The following PCCA variants were observed in gnomAD, a reference collection of about 807,000 sequenced individuals.
PCCA encodes the protein propionyl-CoA carboxylase subunit alpha.
Under a neutral mutation model 101.3 loss-of-function variants are expected in PCCA, and 74 were observed. The observed-to-expected ratio is 0.73, with a 90% CI of 0.61 to 0.89. PCCA has a LOEUF of 0.89. Ranked by LOEUF, PCCA falls within the 40% of genes least tolerant of loss-of-function variation. The probability of loss-of-function intolerance (pLI) is 0.00; values close to 1 mark genes in which losing one functional copy is unlikely to be tolerated. For missense variants in PCCA, 891 were observed against 907.0 expected, an observed-to-expected ratio of 0.98 and a Z score of 0.23; for synonymous variants, 294 against 313.6, an observed-to-expected ratio of 0.94 and a Z score of 0.66.
At chr13:100,215,611 C>T (rs1426325341) in intron 7 of PCCA, among the ~76,000 whole-genome samples, 1 of 151,952 alleles carries the variant, frequency 6.6e-6, no homozygotes, top group Non-Finnish European at 1.5e-5. Context: ...GCTCATCCTT[C>T]TGTATACTTT....
chr13:100,153,328 C>T (rs1953696), intron 4 of PCCA, among the ~76,000 whole-genome samples: 152,272 of 152,282 alleles, frequency 1, 76,131 homozygotes, highest in Middle Eastern at 1. Flanking sequence ...ATGCTAAAAT[C>T]TGCACTAACT....
At chr13:100,470,764 C>T (rs574389883) in intron 21 of PCCA, among the ~76,000 whole-genome samples, 7 of 152,178 alleles carry the variant, frequency 4.6e-5, no homozygotes, top group East Asian at 3.9e-4. Flanking sequence ...GAGGCTGAGG[C>T]GGGAGAATCG....
chr13:100,354,400 G>T (rs1458252439), intron 18 of PCCA, among the ~76,000 whole-genome samples: 1 of 149,068 alleles, frequency 6.7e-6, no homozygotes, highest in Non-Finnish European at 1.5e-5. Context: ...GGGAAGGGAG[G>T]GAGGGAGGGA....
chr13:100,231,800 G>A (rs1013842131), intron 7 of PCCA, among the ~76,000 whole-genome samples: 1 of 151,872 alleles, frequency 6.6e-6, no homozygotes, highest in South Asian at 2.1e-4. Flanking sequence ...CAGAACTCCT[G>A]GGCTCAAGTG....
intron 16 of PCCA, among the ~76,000 whole-genome samples, chr13:100,322,656 G>A (rs1468782558): frequency 1.3e-5 from 2 of 151,028 alleles, no homozygotes; most frequent in South Asian, 2.1e-4. Context: ...CTACAACTTC[G>A]AACTCCTGGG....
At chr13:100,520,618 G>C (rs1253760332) in intron 22 of PCCA, among the ~76,000 whole-genome samples, 2 of 121,412 alleles carry the variant, frequency 1.6e-5, no homozygotes, top group South Asian at 2.8e-4. Flanking sequence ...CTGGGCGACA[G>C]AGCGAGACTC....
chr13:100,217,036 G>C (rs1351807071), intron 7 of PCCA, among the ~76,000 whole-genome samples: 1 of 151,716 alleles, frequency 6.6e-6, no homozygotes, highest in Non-Finnish European at 1.5e-5. Flanking sequence ...TTGAACCTGG[G>C]AGGTGGAGGT....
chr13:100,269,674 G>A (rs184440926), intron 11 of PCCA, among the ~76,000 whole-genome samples: 174 of 152,206 alleles, frequency 1.1e-3, no homozygotes, highest in Non-Finnish European at 1.5e-3. Flanking sequence ...ATTACCAGAC[G>A]GTAAGAAGTA....
At chr13:100,235,748 T>A (rs1275019045) in intron 7 of PCCA, 94 bp from the exon 8 acceptor site, 20 of 813,570 alleles carry the variant, frequency 2.5e-5, no homozygotes, top group Non-Finnish European at 4.2e-5. Flanking sequence ...ATTAAATGAA[T>A]CGGAGGAGAC....
intron 6 of PCCA, among the ~76,000 whole-genome samples, chr13:100,168,477 G>C (rs918948541): frequency 6.6e-6 from 1 of 152,178 alleles, no homozygotes; most frequent in East Asian, 1.9e-4. Context: ...TTTTTGAACA[G>C]TTCCTGGAAT....
chr13:100,195,678 CTCTT>C (rs1225792611), intron 6 of PCCA, among the ~76,000 whole-genome samples: 1 of 152,150 alleles, frequency 6.6e-6, no homozygotes, highest in Non-Finnish European at 1.5e-5. Context: ...TCCTAGAAAC[CTCTT>C]TCTATTTTCT....
intron 7 of PCCA, among the ~76,000 whole-genome samples, chr13:100,232,360 G>GTGTGTGTGTGTGTA (rs2060536496): frequency 6.8e-6 from 1 of 147,414 alleles, no homozygotes; most frequent in Non-Finnish European, 1.5e-5. Flanking sequence ...GCGTGTGTGT[G>GTGTGTGTGTGTGTA]TGTGTGTGTG....
chr13:100,378,395 G>A (rs957757057), intron 19 of PCCA, among the ~76,000 whole-genome samples: 2 of 152,184 alleles, frequency 1.3e-5, no homozygotes, highest in Non-Finnish European at 2.9e-5. Flanking sequence ...TGACTATAAT[G>A]TATCATGGAA....
At chr13:100,305,278 A>G (rs2066361532) in intron 14 of PCCA, among the ~76,000 whole-genome samples, 2 of 152,216 alleles carry the variant, frequency 1.3e-5, no homozygotes, top group South Asian at 4.1e-4. Flanking sequence ...TGATCATAAT[A>G]TTAGTAAATA....
intron 12 of PCCA, among the ~76,000 whole-genome samples, chr13:100,280,015 T>G (rs1358322231): frequency 7.7e-5 from 3 of 39,034 alleles, no homozygotes; most frequent in Admixed American, 5.3e-4. Flanking sequence ...TGTTTTTGTT[T>G]TTTTTTTTTT....
chr13:100,402,710 A>AG (rs1415230707), intron 19 of PCCA, among the ~76,000 whole-genome samples: 3 of 152,016 alleles, frequency 2.0e-5, no homozygotes, highest in Non-Finnish European at 4.4e-5. Flanking sequence ...GCAGTGGGCA[A>AG]GGGGTGGTAT....
chr13:100,519,031 A>G (rs2087036685), intron 22 of PCCA, among the ~76,000 whole-genome samples: 1 of 152,252 alleles, frequency 6.6e-6, no homozygotes, highest in Non-Finnish European at 1.5e-5. Context: ...AGTCATGATG[A>G]GCACATTCGC....
intron 8 of PCCA, among the ~76,000 whole-genome samples, chr13:100,255,349 T>C (rs1216227143): frequency 6.6e-6 from 1 of 152,228 alleles, no homozygotes; most frequent in East Asian, 1.9e-4. Context: ...TTGTTCCTTG[T>C]GAGCAAGAAT....
At chr13:100,170,327 A>G (rs149812013) in intron 6 of PCCA, among the ~76,000 whole-genome samples, 323 of 152,304 alleles carry the variant, frequency 2.1e-3, no homozygotes, top group Middle Eastern at 6.8e-3. Flanking sequence ...AAGTAATGCT[A>G]GTTATCTCTG....
Sources: gnomAD v4.1 joint callset for allele counts (sites outside exome capture counted in the v4.1 genomes callset) on GRCh38, gnomAD v4.1.1 for gene constraint, MANE v1.5 for transcripts, NCBI Gene and HGNC (gene_info 2026-07-23, HGNC 2026-07-21) for gene names.